UGT2A1: variants seen among roughly 807,000 people sequenced by gnomAD.
UGT2A1 encodes the protein UDP glucuronosyltransferase family 2 member A1 complex locus.
In UGT2A1, 61 loss-of-function variants were observed where a neutral mutation model predicts 45.4. The ratio of observed to expected loss-of-function variants is 1.34; its 90% CI spans 1.09 to 1.66. UGT2A1 has a LOEUF of 1.66. Ranked by LOEUF, UGT2A1 falls within the 40% of genes most tolerant of loss-of-function variation. The pLI is 0.00. For synonymous variants in UGT2A1, 229 were observed against 196.2 expected, an observed-to-expected ratio of 1.17 and a Z score of -1.40; for missense variants, 649 against 574.3, an observed-to-expected ratio of 1.13 and a Z score of -1.33.
chr4:69,610,847 T>C (rs116346978), intron 3 of UGT2A1, among the ~76,000 whole-genome samples: 1,966 of 152,272 alleles, frequency 0.013, 41 homozygotes, highest in African/African-American at 0.045. Context: ...TATTATTAGT[T>C]CTTGTATTAG....
intron 3 of UGT2A1, among the ~76,000 whole-genome samples, chr4:69,616,742 A>G (rs1469161880): frequency 6.6e-6 from 1 of 151,876 alleles, no homozygotes; most frequent in Non-Finnish European, 1.5e-5. Flanking sequence ...TATAAGCTAT[A>G]AATCCTCCAT....
chr4:69,638,209 A>G (rs549435729), intron 2 of UGT2A1, among the ~76,000 whole-genome samples: 42 of 152,090 alleles, frequency 2.8e-4, no homozygotes, highest in Non-Finnish European at 5.9e-4. Flanking sequence ...TGGAGGCAAA[A>G]TCATCAAGAG....
chr4:69,618,627 G>C (rs1560482049), intron 3 of UGT2A1, among the ~76,000 whole-genome samples: 1 of 151,870 alleles, frequency 6.6e-6, no homozygotes, highest in African/African-American at 2.4e-5. Context: ...ATTAATTCCT[G>C]AAACCCTCGA....
In UGT2A1 at chr4:69,623,500, A is replaced by G. The variant is rs1253628232; in HGVS notation, c.847+12191T>C. Reference sequence around the variant, plus strand: ...AGGAAACTGTGCATACATGTAAAAAAATAGCATAATATTTAACAGAATAGT... The same window carrying G: ...AGGAAACTGTGCATACATGTAAAAAGATAGCATAATATTTAACAGAATAGT... On this transcript the variant is annotated intron_variant, in intron 3 of 6. Coordinates refer to ENST00000286604, the MANE Select transcript of UGT2A1 (RefSeq NM_001252275.3). Among the ~76,000 whole-genome samples the G allele has an allele frequency of 3.3e-5, 5 of 151,908 alleles. No individual in the cohort carries two copies. In the East Asian group the frequency reaches 7.7e-4, roughly 23 times the overall value.
intron 2 of UGT2A1, among the ~76,000 whole-genome samples, chr4:69,642,542 A>G (rs1381713787): frequency 2.6e-5 from 4 of 151,788 alleles, no homozygotes; most frequent in Non-Finnish European, 5.9e-5. Flanking sequence ...CTGAAAATCA[A>G]GAATCATGGA....
intron 2 of UGT2A1, chr4:69,639,395 C>T (rs1721922686): frequency 2.5e-6 from 4 of 1,613,504 alleles, no homozygotes; most frequent in Non-Finnish European, 3.4e-6. Flanking sequence ...AAACAGGTAT[C>T]ACTTCAAAAT....
chr4:69,650,790 T>C (rs7656541), intron 1 of UGT2A1, among the ~76,000 whole-genome samples: 63,695 of 151,952 alleles, frequency 0.42, 13,812 homozygotes, highest in East Asian at 0.67. Context: ...GGCCTTCAGA[T>C]GAAATGACAT....
At chr4:69,633,727 A>G (rs1721513444) in intron 3 of UGT2A1, among the ~76,000 whole-genome samples, 1 of 152,168 alleles carries the variant, frequency 6.6e-6, no homozygotes, top group Non-Finnish European at 1.5e-5. Context: ...CAACTATATA[A>G]CGTTTAAAGT....
At chr4:69,608,704 T>C (rs927594640) in intron 3 of UGT2A1, among the ~76,000 whole-genome samples, 11 of 152,232 alleles carry the variant, frequency 7.2e-5, no homozygotes, top group African/African-American at 2.6e-4. Context: ...TTTATTATCA[T>C]TATTTTTAGA....
chr4:69,599,604 G>A lies in UGT2A1; in HGVS notation c.848-210C>T, dbSNP rs1186537412. The stretch of plus-strand genomic sequence containing the variant: ...GGAAGGAAGAAAAGAAGGAAGGAAG[G>A]GAGGAAGGGAGGAAGGCAGGCAAGC... On this transcript the variant is annotated intron_variant, in intron 3 of 6. Coordinates refer to ENST00000286604, the MANE Select transcript of UGT2A1 (RefSeq NM_001252275.3). 2.8e-5 allele frequency: 16 copies of A among 566,290 alleles called. No individual in the cohort carries two copies. In the Admixed American group the frequency reaches 5.6e-4, roughly 20 times the overall value. 35.1% of individuals were successfully genotyped at this position (566,290 alleles called of 1,614,324 possible).
At chr4:69,624,423 C>T (rs1720921606) in intron 3 of UGT2A1, among the ~76,000 whole-genome samples, 1 of 151,280 alleles carries the variant, frequency 6.6e-6, no homozygotes, top group East Asian at 1.9e-4. Context: ...TTGACAATGT[C>T]TAACTATTGG....
intron 3 of UGT2A1, among the ~76,000 whole-genome samples, chr4:69,629,746 T>C (rs1016982095): frequency 5.9e-5 from 9 of 152,084 alleles, no homozygotes; most frequent in Non-Finnish European, 1.2e-4. Context: ...CTACCCTTCA[T>C]AGGTCTTTTC....
chr4:69,599,317 GA>G lies in UGT2A1; in HGVS notation c.924del (p.Pro309LeufsTer37). The G allele has an allele frequency of 3.1e-6, 5 of 1,613,842 alleles. No individual in the cohort carries two copies. The highest frequency in any genetic ancestry group is 4.2e-6 in the Non-Finnish European group (5 of 1,179,932). On this transcript the variant is annotated frameshift_variant, in exon 4 of 7. Transcript: ENST00000286604. LOFTEE classifies it high-confidence loss of function. ...TCAAAATTAGGTAAGTATGGACGAG[GA>G]AATTCAAAATCCCAATATGTTCGGA... The part of the protein sequence containing the change: ...WLIRTYWDFE[F>X]PRPYLPNFEF...
intron 3 of UGT2A1, among the ~76,000 whole-genome samples, chr4:69,630,932 C>T (rs1032523299): frequency 5.3e-5 from 8 of 151,948 alleles, no homozygotes; most frequent in African/African-American, 1.7e-4. Flanking sequence ...AAAGAATACA[C>T]GACTAAGTGG....
chr4:69,612,951 A>C (rs2109920620), intron 3 of UGT2A1, among the ~76,000 whole-genome samples: 1 of 151,800 alleles, frequency 6.6e-6, no homozygotes, highest in African/African-American at 2.4e-5. Flanking sequence ...CAACCTACAT[A>C]ATGGGAGAAA....
chr4:69,635,734 G>C lies in UGT2A1; in HGVS notation c.804C>G (p.Ser268=). The change falls in exon 3 of 7, where the codon TCC becomes TCG. Residue 268 remains serine, a synonymous_variant. Transcript: ENST00000286604. ...QPLLPGFKRF[S]RLSLHCSWDY... is the part of the protein sequence containing the mutation. ...CCCAACTACAATGGAGGCTGAGGCG[G>C]GAGAATCGCTTGAACCCGGGAAGCA... 1 of 248,788 alleles carries C rather than the reference G, an allele frequency of 4.0e-6. No homozygotes were observed. The highest frequency in any genetic ancestry group is 8.3e-6 in the Non-Finnish European group (1 of 120,682). 15.4% of individuals were successfully genotyped at this position (248,788 alleles called of 1,614,324 possible).
chr4:69,628,995 A>C (rs990838181), intron 3 of UGT2A1, among the ~76,000 whole-genome samples: 2 of 151,846 alleles, frequency 1.3e-5, no homozygotes, highest in Non-Finnish European at 2.9e-5. Flanking sequence ...AAAGGGAGCC[A>C]GGTGATATCA....
At chr4:69,593,927 C>G (rs1461768903) in intron 6 of UGT2A1, among the ~76,000 whole-genome samples, 2 of 149,818 alleles carry the variant, frequency 1.3e-5, no homozygotes, top group Non-Finnish European at 3.0e-5. Context: ...ATAATCATAG[C>G]ATTCTTTATT....
chr4:69,589,274 G>A lies in UGT2A1; in HGVS notation c.*98C>T. The A allele has an allele frequency of 5.1e-6, 7 of 1,373,842 alleles. No homozygotes were observed. The highest frequency in any genetic ancestry group is 2.7e-4 in the Middle Eastern group (1 of 3,714). The allele number at this position is 1,373,842 out of a possible 1,614,324, so 85.1% of individuals were successfully genotyped here. A position where few individuals can be genotyped will look rare whatever the true frequency, so the allele number is the denominator to read the frequency against. On this transcript the variant is annotated 3_prime_UTR_variant, in exon 7 of 7. Transcript: ENST00000286604. ...AAAATTTGGAAACAGGATGGGAGAC[G>A]TGTTTTTGTTAAACTCCTTTTGTCT... is the stretch of plus-strand genomic sequence containing the variant.
Sources: allele counts gnomAD v4.1 joint callset (sites outside exome capture counted in the v4.1 genomes callset), GRCh38; gene constraint gnomAD v4.1.1; transcripts MANE v1.5; gene names NCBI Gene and HGNC (gene_info 2026-07-23, HGNC 2026-07-21).